Variants in TMC5 observed in about 807,000 individuals in gnomAD.
The protein encoded by TMC5 is transmembrane channel-like protein 5.
Under a neutral mutation model 110.5 loss-of-function variants are expected in TMC5, and 86 were observed. The ratio of observed to expected loss-of-function variants is 0.78; its 90% confidence interval spans 0.65 to 0.93. TMC5 has a LOEUF of 0.93. Ranked by LOEUF, TMC5 falls within the 40% of genes least tolerant of loss-of-function variation. The pLI is 0.00. For missense variants in TMC5, 1,144 were observed against 1,222.8 expected (o/e 0.94, Z 0.96); for synonymous variants, 455 against 439.5 (o/e 1.04, Z -0.44).
chr16:19,474,249 G>A lies in TMC5; in HGVS notation c.2063G>A (p.Arg688Gln), dbSNP rs144008850. Residue 688 changes from arginine to glutamine, a missense_variant, in exon 12 of 22, where the codon CGG (arginine) becomes CAG (glutamine). Physicochemically the swap from Arg to Gln is conservative, Grantham distance 43 (BLOSUM62 1). Transcript: ENST00000542583. ...FRLVERYEMP[R>Q]HEVYVLLIRN... Reference sequence around the variant, plus strand: ...CTTGTGGAGAGGTACGAGATGCCACGGCACGAAGTCTACGTTCTCCTGATC... The same window carrying A: ...CTTGTGGAGAGGTACGAGATGCCACAGCACGAAGTCTACGTTCTCCTGATC... 97 of 1,614,062 alleles carry A rather than the reference G, an allele frequency of 6.0e-5. No individual in the cohort carries two copies. Among genetic ancestry groups the A allele is most frequent in the East Asian group, 3.8e-4 (17 of 44,868 alleles).
At chr16:19,447,517 C>T (rs149817228) in intron 4 of TMC5, among the ~76,000 whole-genome samples, 1 of 152,232 alleles carries the variant, frequency 6.6e-6, no homozygotes, top group East Asian at 1.9e-4. Context: ...ATTATTTAAT[C>T]ATTTCACATG....
chr16:19,472,864 G>A (rs945129844), intron 11 of TMC5, among the ~76,000 whole-genome samples: 6 of 152,168 alleles, frequency 3.9e-5, no homozygotes, highest in Admixed American at 6.6e-5. Context: ...AGAGGTAGAC[G>A]GAGGTAGGGT....
intron 5 of TMC5, among the ~76,000 whole-genome samples, chr16:19,454,053 T>C (rs1032838415): frequency 6.6e-6 from 1 of 151,898 alleles, no homozygotes; most frequent in African/African-American, 2.4e-5. Flanking sequence ...GCATCTTTTT[T>C]GTTGTTGTTT....
intron 11 of TMC5, 108 bp from the exon 12 acceptor site, chr16:19,474,017 C>G: frequency 9.5e-7 from 1 of 1,047,260 alleles, no homozygotes; most frequent in Non-Finnish European, 1.4e-6. Flanking sequence ...AATAGTTAAC[C>G]GCAGAGGAGC....
At position 19,449,640 on chromosome 16, in the gene TMC5, T is replaced by C. The variant is rs765453356; in HGVS notation, c.1048+9T>C. On this transcript the variant is annotated intron_variant, in intron 5 of 21. Coordinates refer to ENST00000542583, the MANE Select transcript of TMC5 (RefSeq NM_001261841.2). ...GCACAAGTCACCCCAAGGTAAGTGA[T>C]ATGGTTTGGCTCTGTGTCCCCACCC... The C allele has an allele frequency of 1.2e-6, 2 of 1,613,412 alleles. No individual in the cohort carries two copies. The highest frequency in any genetic ancestry group is 1.1e-5 in the South Asian group (1 of 91,054).
At chr16:19,460,571 G>A (rs952077077) in intron 6 of TMC5, among the ~76,000 whole-genome samples, 1 of 152,144 alleles carries the variant, frequency 6.6e-6, no homozygotes, top group East Asian at 1.9e-4. Flanking sequence ...AAAGAGTAGG[G>A]CGTGGAAGGA....
chr16:19,462,490 C>T (rs960294100), intron 6 of TMC5: 4 of 701,162 alleles, frequency 5.7e-6, no homozygotes, highest in Non-Finnish European at 5.2e-6. Flanking sequence ...AATGGACTCA[C>T]TGTTCCACAC....
Position 19,479,507 on chromosome 16 carries a change from T to A in TMC5, c.2246T>A (p.Phe749Tyr), listed in dbSNP as rs1381134501. 3.1e-6 allele frequency: 5 copies of A among 1,613,674 alleles called. No homozygotes were observed. The highest frequency in any genetic ancestry group is 4.2e-6 in the Non-Finnish European group (5 of 1,179,702). ...TTTGTGTTCTCTTTAGTCAATTCCT[T>A]CCTGGGGGAGTTTCTGAGGAGGTAA... Reference protein sequence around the residue: ...MDFVFSLVNSFLGEFLRRIIG... With the variant: ...MDFVFSLVNSYLGEFLRRIIG... Residue 749 changes from phenylalanine (F) to tyrosine (Y), a missense_variant, in exon 14 of 22, where the codon TTC becomes TAC. Coordinates refer to ENST00000542583, the MANE Select transcript of TMC5 (RefSeq NM_001261841.2).
intron 2 of TMC5, among the ~76,000 whole-genome samples, chr16:19,434,250 A>AATATATATATCTATAATATATATAGATCT (rs1967273871): frequency 2.0e-4 from 10 of 50,092 alleles, no homozygotes; most frequent in African/African-American, 4.1e-4. Flanking sequence ...ATCTATCTAA[A>AATATATATATCTATAATATATATAGATCT]ATATATATAT....
At chr16:19,472,795 C>T (rs989154160) in intron 11 of TMC5, among the ~76,000 whole-genome samples, 1 of 152,186 alleles carries the variant, frequency 6.6e-6, no homozygotes, top group African/African-American at 2.4e-5. Context: ...CATTGGAACC[C>T]AGGTTACCCT....
At chr16:19,433,536 C>T (rs1353887978) in intron 2 of TMC5, among the ~76,000 whole-genome samples, 1 of 152,168 alleles carries the variant, frequency 6.6e-6, no homozygotes, top group Non-Finnish European at 1.5e-5. Context: ...ACCCTGAGTC[C>T]TGGCTTTCAT....
At chr16:19,435,263 G>A (rs1475561003) in intron 2 of TMC5, among the ~76,000 whole-genome samples, 7 of 151,728 alleles carry the variant, frequency 4.6e-5, no homozygotes, top group Admixed American at 2.0e-4. Flanking sequence ...ACGCCAAGGC[G>A]GGTGGATCAT....
intron 5 of TMC5, chr16:19,456,520 G>A (rs1967876711): frequency 4.1e-5 from 56 of 1,378,768 alleles, no homozygotes; most frequent in Non-Finnish European, 5.2e-5. Flanking sequence ...AGGGAGTTAT[G>A]TTGTGATTTG....
At chr16:19,457,784 C>A (rs1017127166) in intron 5 of TMC5, among the ~76,000 whole-genome samples, 1 of 122,672 alleles carries the variant, frequency 8.2e-6, no homozygotes, top group African/African-American at 2.9e-5. Context: ...AGTGTAGAGG[C>A]ACAATCTTGG....
intron 10 of TMC5, among the ~76,000 whole-genome samples, chr16:19,470,081 AGAC>A (rs1429067728): frequency 6.6e-6 from 1 of 150,670 alleles, no homozygotes; most frequent in Non-Finnish European, 1.5e-5. Flanking sequence ...TTTTTAGTAG[AGAC>A]GGGGTTTCAC....
chr16:19,419,366 GA>G (rs1195098146), intron 1 of TMC5, among the ~76,000 whole-genome samples: 1 of 149,830 alleles, frequency 6.7e-6, no homozygotes, highest in Non-Finnish European at 1.5e-5. Flanking sequence ...CTACACTAGA[GA>G]GGGGAAAAGA....
At chr16:19,468,479 C>T (rs1465400608) in intron 9 of TMC5, among the ~76,000 whole-genome samples, 1 of 152,082 alleles carries the variant, frequency 6.6e-6, no homozygotes, top group Non-Finnish European at 1.5e-5. Context: ...TCCCCCGACC[C>T]CCCCCAGAGA....
rs115971695 is a variant in TMC5 at position 19,459,857 on chromosome 16, G to A, written c.1049-378G>A. 2.4e-3 allele frequency among the ~76,000 whole-genome samples: 359 copies of A among 149,578 alleles called. 1 individual carries two copies. The highest frequency in any genetic ancestry group is 8.7e-3 in the African/African-American group (350 of 40,370). ...CGCTTAAGTCCAGGAGATCAGTGTT[G>A]CAGTGGGCTGTGATTGTGCCACTGC... On this transcript the variant is annotated intron_variant, in intron 5 of 21. Coordinates refer to ENST00000542583, the MANE Select transcript of TMC5 (RefSeq NM_001261841.2).
intron 3 of TMC5, 117 bp downstream of exon 3, chr16:19,440,943 C>A: frequency 9.3e-7 from 1 of 1,076,302 alleles, no homozygotes; most frequent in South Asian, 1.6e-5. Context: ...TTTCTATGAC[C>A]TGAAGTTGTG....
Sources: gnomAD v4.1 joint callset for allele counts (sites outside exome capture counted in the v4.1 genomes callset) on GRCh38, gnomAD v4.1.1 for gene constraint, MANE v1.5 for transcripts, NCBI Gene and HGNC (gene_info 2026-07-23, HGNC 2026-07-21) for gene names.